The following ARHGEF11 variants were observed in gnomAD, a reference collection of about 807,000 sequenced individuals.
ARHGEF11 encodes the protein Rho guanine exchange factor (GEF) 11.
ARHGEF11 carries 55 observed loss-of-function variants against 193.7 expected under a neutral mutation model. The ratio of observed to expected loss-of-function variants is 0.28; its 90% CI spans 0.23 to 0.36. The LOEUF is 0.36. ARHGEF11 is among the 10% of genes least tolerant of loss of function. The pLI, the probability that ARHGEF11 is intolerant of heterozygous loss-of-function variation, is 1.00. For synonymous variants in ARHGEF11, 693 were observed against 768.0 expected (o/e 0.90, Z 1.62); for missense variants, 1,723 against 2,005.6 (o/e 0.86, Z 2.69).
chr1:157,013,299 A>ACACACACACACACACACACACCCC (rs534893600), intron 1 of ARHGEF11, among the ~76,000 whole-genome samples: 1 of 148,624 alleles, frequency 6.7e-6, no homozygotes, highest in Admixed American at 6.7e-5. Flanking sequence ...ACACACACAC[A>ACACACACACACACACACACACCCC]CCAAGAACCT....
chr1:157,031,136 G>T (rs951451720), intron 1 of ARHGEF11, among the ~76,000 whole-genome samples: 1 of 152,172 alleles, frequency 6.6e-6, no homozygotes. Context: ...CCAGCAGAGT[G>T]AAAGTTCCAG....
intron 22 of ARHGEF11, among the ~76,000 whole-genome samples, chr1:156,951,102 T>A (rs966844465): frequency 1.1e-4 from 16 of 152,228 alleles, no homozygotes; most frequent in African/African-American, 3.9e-4. Flanking sequence ...TATAGTTACA[T>A]CATTTGTCTT....
chr1:156,940,522 T>C (rs1029391645), intron 35 of ARHGEF11, 97 bp from the exon 36 acceptor site: 53 of 1,101,380 alleles, frequency 4.8e-5, no homozygotes, highest in Admixed American at 1.0e-4. Context: ...CTGGGAACAC[T>C]GACTTATTCT....
At chr1:157,012,846 ATCC>A in intron 1 of ARHGEF11, among the ~76,000 whole-genome samples, 1 of 152,198 alleles carries the variant, frequency 6.6e-6, no homozygotes. Flanking sequence ...CATCACCGCC[ATCC>A]TCATCATTTC....
At chr1:157,034,413 C>G (rs1671660675) in intron 1 of ARHGEF11, among the ~76,000 whole-genome samples, 1 of 152,248 alleles carries the variant, frequency 6.6e-6, no homozygotes, top group Admixed American at 6.5e-5. Context: ...ATGGGGAAAT[C>G]CCCAGAACTC....
At chr1:156,979,627 G>A (rs1463258413) in intron 4 of ARHGEF11, among the ~76,000 whole-genome samples, 1 of 152,190 alleles carries the variant, frequency 6.6e-6, no homozygotes, top group South Asian at 2.1e-4. Flanking sequence ...GCCTCCCAAA[G>A]GGCTGGGATT....
Position 156,986,116 on chromosome 1 carries a change from G to A in ARHGEF11, c.90C>T (p.His30=), listed in dbSNP as rs1459900555. The A allele has an allele frequency of 1.2e-5, 19 of 1,613,938 alleles. No homozygotes were observed. The highest frequency in any genetic ancestry group is 1.5e-5 in the Non-Finnish European group (18 of 1,179,956). Residue 30 remains histidine (H), a synonymous_variant, in exon 2 of 41, where the codon CAC becomes CAT. Transcript: ENST00000368194. Reference sequence around the variant, plus strand: ...CAGAGGCATCCGAAGGCTGGCGATGGTGGGAAGGGGACTTGCGCTCTGGTG... The same window carrying A: ...CAGAGGCATCCGAAGGCTGGCGATGATGGGAAGGGGACTTGCGCTCTGGTG... ...DSAPERKSPS[H]HRQPSDASET...
At position 156,963,666 on chromosome 1, in the gene ARHGEF11, T is replaced by C. The variant is rs1353429738; in HGVS notation, c.964-72A>G. On this transcript the variant is annotated intron_variant, in intron 11 of 40. Transcript: ENST00000368194. ...GAGGATTCAACCACCTCAGTGAAGTTTGTTTAGTTGCAGCACAGCACTCAC... is the reference window on the plus strand; with the variant it reads ...GAGGATTCAACCACCTCAGTGAAGTCTGTTTAGTTGCAGCACAGCACTCAC... 62 of 1,578,880 alleles carry C rather than the reference T, an allele frequency of 3.9e-5. No individual in the cohort carries two copies. In the South Asian group the frequency reaches 5.3e-4, roughly 14 times the overall value.
intron 1 of ARHGEF11, among the ~76,000 whole-genome samples, chr1:157,037,124 G>A (rs1178074093): frequency 1.3e-5 from 2 of 151,990 alleles, no homozygotes; most frequent in African/African-American, 4.8e-5. Context: ...GCAAAACTCT[G>A]TCTCAAAATA....
At chr1:157,036,071 CTA>C (rs1216800371) in intron 1 of ARHGEF11, among the ~76,000 whole-genome samples, 5 of 124,816 alleles carry the variant, frequency 4.0e-5, no homozygotes, top group Non-Finnish European at 8.5e-5. Context: ...ATATATGAAT[CTA>C]TATGAATATA....
chr1:156,940,111 A>C (rs1423575737), intron 36 of ARHGEF11, 96 bp downstream of exon 36: 4 of 1,437,490 alleles, frequency 2.8e-6, no homozygotes, highest in Non-Finnish European at 3.7e-6. Flanking sequence ...CACCAGGAAG[A>C]GCCTTCGGGA....
intron 1 of ARHGEF11, among the ~76,000 whole-genome samples, chr1:156,997,747 G>GA (rs562792001): frequency 0.028 from 4,106 of 144,312 alleles, 73 homozygotes; most frequent in South Asian, 0.056. Context: ...AAGTTTTAGT[G>GA]AAAAAAAAAA....
chr1:157,009,968 A>G (rs1243295418), intron 1 of ARHGEF11, among the ~76,000 whole-genome samples: 1 of 152,088 alleles, frequency 6.6e-6, no homozygotes, highest in Non-Finnish European at 1.5e-5. Context: ...CTTCCCTCAA[A>G]AACAGATGAA....
chr1:156,967,321 C>T (rs534569827), intron 11 of ARHGEF11, among the ~76,000 whole-genome samples: 11 of 152,300 alleles, frequency 7.2e-5, no homozygotes, highest in Middle Eastern at 3.4e-3. Context: ...TTGTTAGACA[C>T]GGTTAACGGT....
chr1:156,950,106 A>G (rs1179417451), intron 22 of ARHGEF11, among the ~76,000 whole-genome samples: 2 of 152,170 alleles, frequency 1.3e-5, no homozygotes, highest in African/African-American at 4.8e-5. Context: ...TATATCTACG[A>G]CATCATGTGC....
At chr1:156,983,973 T>C (rs1029911718) in intron 3 of ARHGEF11, among the ~76,000 whole-genome samples, 1 of 152,248 alleles carries the variant, frequency 6.6e-6, no homozygotes, top group African/African-American at 2.4e-5. Context: ...AGTGACCATC[T>C]GTGCACTTAG....
chr1:156,937,031 T>G, intron 39 of ARHGEF11, 26 bp from the exon 40 acceptor site: 1 of 1,607,180 alleles, frequency 6.2e-7, no homozygotes, highest in Non-Finnish European at 8.5e-7. Flanking sequence ...GGGGAATGTC[T>G]GCTCGAGTCC....
Position 156,980,424 on chromosome 1 carries a change from T to C in ARHGEF11, c.273+13A>G. ...CACTGCTGGGAGTGGGAGTGTGTGT[T>C]GGGGTCACTCACTTTGATGATCCGG... On this transcript the variant is annotated intron_variant, in intron 4 of 40. Coordinates refer to ENST00000368194, the MANE Select transcript of ARHGEF11 (RefSeq NM_198236.3). The C allele has an allele frequency of 6.2e-7, 1 of 1,602,906 alleles. No homozygotes were observed. The highest frequency in any genetic ancestry group is 8.5e-7 in the Non-Finnish European group (1 of 1,174,246).
chr1:156,974,069 T>C (rs1341851030), intron 7 of ARHGEF11, among the ~76,000 whole-genome samples: 1 of 152,002 alleles, frequency 6.6e-6, no homozygotes, highest in Non-Finnish European at 1.5e-5. Context: ...TTTTTCTTTT[T>C]CTTTTTCTTT....
Sources: allele counts gnomAD v4.1 joint callset (sites outside exome capture counted in the v4.1 genomes callset), GRCh38; gene constraint gnomAD v4.1.1; transcripts MANE v1.5; gene names NCBI Gene and HGNC (gene_info 2026-07-23, HGNC 2026-07-21).